The following CCDC83 variants were observed in gnomAD, a reference collection of about 807,000 sequenced individuals.
CCDC83 encodes the protein coiled-coil domain containing 83, also known as coiled-coil domain-containing protein 83.
In CCDC83, 54 loss-of-function variants were observed where a neutral mutation model predicts 50.1. The ratio of observed to expected loss-of-function variants is 1.08; its 90% CI spans 0.87 to 1.35. The LOEUF (loss-of-function observed/expected upper bound fraction) is 1.35. CCDC83 is among the 40% of genes most tolerant of loss of function. The pLI is 0.00. For synonymous variants in CCDC83, 161 were observed against 153.3 expected (o/e 1.05, Z -0.37); for missense variants, 518 against 473.9 (o/e 1.09, Z -0.86).
At chr11:85,856,724 G>T (rs1046508187) in intron 1 of CCDC83, among the ~76,000 whole-genome samples, 9 of 152,094 alleles carry the variant, frequency 5.9e-5, no homozygotes, top group African/African-American at 2.2e-4. Context: ...TAAATACCTT[G>T]ATTTTAATAT....
intron 2 of CCDC83, among the ~76,000 whole-genome samples, chr11:85,869,289 A>G (rs2093224289): frequency 6.6e-6 from 1 of 152,246 alleles, no homozygotes; most frequent in Non-Finnish European, 1.5e-5. Context: ...TTTGTGAAGA[A>G]CTGATACTAA....
intron 10 of CCDC83, among the ~76,000 whole-genome samples, chr11:85,918,843 C>T (rs552479335): frequency 5.3e-5 from 8 of 152,266 alleles, no homozygotes; most frequent in Admixed American, 3.3e-4. Context: ...GTATTCACCT[C>T]GCACTTTACA....
intron 10 of CCDC83, among the ~76,000 whole-genome samples, chr11:85,917,184 G>A: frequency 9.7e-6 from 1 of 103,170 alleles, no homozygotes; most frequent in African/African-American, 4.0e-5. Flanking sequence ...AAGAAAGAAA[G>A]AAAGAAAGAG....
chr11:85,855,188 G>T (rs1227785769), upstream of CCDC83: 2 of 152,466 alleles, frequency 1.3e-5, no homozygotes, highest in East Asian at 3.9e-4. Context: ...CCCAGGGCCG[G>T]GTATCCGCCC....
rs146932939 is a variant in CCDC83 at position 85,911,303 on chromosome 11, T to G, written c.695T>G (p.Val232Gly). Residue 232 changes from valine (V) to glycine (G), a missense_variant, in exon 8 of 11, where the codon GTT (valine) becomes GGT (glycine). By Grantham distance (109) the Val-to-Gly change is moderately radical (BLOSUM62 -3). Transcript: ENST00000342404. ...KKEVAIHRKEVEELKNAIHEL... is the reference protein window; with the variant it reads ...KKEVAIHRKEGEELKNAIHEL... ...CAGGTTGCAATTCACAGGAAGGAAG[T>G]TGAAGAATTAAAAAATGCTATTCAT... 14 of 1,610,580 alleles carry G rather than the reference T, an allele frequency of 8.7e-6. No individual in the cohort carries two copies. Among genetic ancestry groups the G allele is most frequent in the Non-Finnish European group, 1.2e-5 (14 of 1,178,270 alleles).
chr11:85,866,596 G>A (rs889749419), intron 2 of CCDC83, among the ~76,000 whole-genome samples: 2 of 151,820 alleles, frequency 1.3e-5, no homozygotes, highest in African/African-American at 4.8e-5. Flanking sequence ...CAAGGTTACA[G>A]TGAGCCATGA....
intron 9 of CCDC83, among the ~76,000 whole-genome samples, 191 bp from the exon 10 acceptor site, chr11:85,915,837 T>A (rs2093474976): frequency 6.6e-6 from 1 of 152,208 alleles, no homozygotes; most frequent in South Asian, 2.1e-4. Flanking sequence ...TTACTATAAC[T>A]TATTAGCTAA....
At chr11:85,906,418 G>T (rs2093426001) in intron 7 of CCDC83, among the ~76,000 whole-genome samples, 1 of 151,998 alleles carries the variant, frequency 6.6e-6, no homozygotes, top group African/African-American at 2.4e-5. Flanking sequence ...TAGGGAAAAT[G>T]ACTACAAAAA....
intron 1 of CCDC83, among the ~76,000 whole-genome samples, chr11:85,864,009 T>C (rs1236192615): frequency 6.6e-6 from 1 of 152,230 alleles, no homozygotes; most frequent in Admixed American, 6.5e-5. Context: ...CCTTGACAGA[T>C]GATGCAACTG....
intron 2 of CCDC83, among the ~76,000 whole-genome samples, chr11:85,865,488 A>G (rs1031931454): frequency 2.6e-4 from 39 of 152,236 alleles, no homozygotes; most frequent in African/African-American, 9.2e-4. Context: ...TCATTGATGT[A>G]CTATTGGCTC....
chr11:85,897,883 G>A lies in CCDC83; in HGVS notation c.604-1064G>A, dbSNP rs113643395. On this transcript the variant is annotated intron_variant, in intron 6 of 10. Transcript: ENST00000342404. ...CTTAAAGACTTTAATAGGGCTGGGCGCGGTGGCTCACACCTGTAATCCCAG... is the reference window on the plus strand; with the variant it reads ...CTTAAAGACTTTAATAGGGCTGGGCACGGTGGCTCACACCTGTAATCCCAG... Among the ~76,000 whole-genome samples the A allele has an allele frequency of 4.1e-3, 626 of 152,258 alleles. 8 individuals carry two copies. The highest frequency in any genetic ancestry group is 0.014 in the African/African-American group (586 of 41,532).
intron 3 of CCDC83, among the ~76,000 whole-genome samples, chr11:85,880,171 T>C (rs1219727851): frequency 6.6e-6 from 1 of 152,242 alleles, no homozygotes; most frequent in Non-Finnish European, 1.5e-5. Context: ...AAGCTTTACA[T>C]AGGGATTATA....
At chr11:85,871,880 T>G (rs557286575) in intron 2 of CCDC83, among the ~76,000 whole-genome samples, 1 of 152,350 alleles carries the variant, frequency 6.6e-6, no homozygotes, top group South Asian at 2.1e-4. Context: ...TGCCTTATTT[T>G]GGTCTCAGAT....
chr11:85,858,028 T>C (rs1405134202), intron 1 of CCDC83, among the ~76,000 whole-genome samples: 1 of 152,150 alleles, frequency 6.6e-6, no homozygotes, highest in Non-Finnish European at 1.5e-5. Context: ...AAGAATACTG[T>C]GGAGAGAGTC....
Position 85,919,488 on chromosome 11 carries a change from AGAT to A in CCDC83, c.1226_1228del (p.Met409del). The A allele has an allele frequency of 6.2e-7, 1 of 1,608,244 alleles. No individual in the cohort carries two copies. Among genetic ancestry groups the A allele is most frequent in the Non-Finnish European group, 8.5e-7 (1 of 1,177,906 alleles). On this transcript the variant is annotated inframe_deletion, in exon 11 of 11. Transcript: ENST00000342404. ...AGCCCAGAAAGCCACATCACATATA[AGAT>A]GATGAAGTCTTTTCTCTAAGACGGA...
chr11:85,903,964 CTTAAAAAATCAAATTAAAT>C (rs2093413861), intron 7 of CCDC83, among the ~76,000 whole-genome samples: 1 of 151,190 alleles, frequency 6.6e-6, no homozygotes, highest in East Asian at 1.9e-4. Context: ...GAGACTCTGT[CTTAAAAAATCAAATTAAAT>C]TTAAAAAATT....
rs192053157 is a variant in CCDC83, at chr11:85,911,244, A to G, written c.673-37A>G. ...AAGAAAACTTAATAGAACTGAATCA[A>G]TAAGTACCAACATTCATTCTCTTCT... On this transcript the variant is annotated intron_variant, in intron 7 of 10. Coordinates refer to ENST00000342404, the MANE Select transcript of CCDC83 (RefSeq NM_001286159.2). 1.9e-4 allele frequency: 281 copies of G among 1,496,238 alleles called. 3 individuals carry two copies. The Middle Eastern group carries it at 2.9e-3, about 15-fold the overall frequency. 92.7% of individuals were successfully genotyped at this position (1,496,238 alleles called of 1,614,324 possible).
At chr11:85,858,185 G>A (rs540479068) in intron 1 of CCDC83, among the ~76,000 whole-genome samples, 10 of 152,276 alleles carry the variant, frequency 6.6e-5, no homozygotes, top group Non-Finnish European at 4.4e-5. Context: ...AAGTGATGGC[G>A]CAGACTGAGC....
intron 6 of CCDC83, among the ~76,000 whole-genome samples, chr11:85,898,478 AC>A (rs1318814924): frequency 6.6e-6 from 1 of 152,194 alleles, no homozygotes; most frequent in Non-Finnish European, 1.5e-5. Context: ...GCTACAGCCT[AC>A]CCTGAAACTA....
Sources: gnomAD v4.1 joint callset for allele counts (sites outside exome capture counted in the v4.1 genomes callset) on GRCh38, gnomAD v4.1.1 for gene constraint, MANE v1.5 for transcripts, NCBI Gene and HGNC (gene_info 2026-07-23, HGNC 2026-07-21) for gene names.